Variants in HSD17B4 observed in about 807,000 individuals in gnomAD.
HSD17B4 encodes peroxisomal multifunctional enzyme type 2.
Under a neutral mutation model 101.0 loss-of-function variants are expected in HSD17B4, and 70 were observed. The ratio of observed to expected loss-of-function variants is 0.69; its 90% CI spans 0.57 to 0.85. The LOEUF (loss-of-function observed/expected upper bound fraction) is 0.85. HSD17B4 is among the 40% of genes least tolerant of loss of function. The pLI is 0.00. For synonymous variants in HSD17B4, 347 were observed against 297.1 expected (o/e 1.17, Z -1.73); for missense variants, 984 against 892.4 (o/e 1.10, Z -1.31).
intron 16 of HSD17B4, among the ~76,000 whole-genome samples, chr5:119,511,196 C>G (rs1412467062): frequency 7.2e-5 from 11 of 152,320 alleles, no homozygotes; most frequent in Non-Finnish European, 1.5e-4. Flanking sequence ...ACACAAAGTT[C>G]TGACCCTCTT....
At chr5:119,458,958 A>C (rs1754943405) in intron 2 of HSD17B4, among the ~76,000 whole-genome samples, 1 of 152,226 alleles carries the variant, frequency 6.6e-6, no homozygotes, top group Admixed American at 6.5e-5. Context: ...GGACTGACAA[A>C]AAGGAGCAAA....
chr5:119,456,430 C>A, intron 2 of HSD17B4, 62 bp downstream of exon 2: 2 of 975,854 alleles, frequency 2.0e-6, no homozygotes, highest in Non-Finnish European at 3.3e-6. Flanking sequence ...TCTTTACAAG[C>A]TATCTTTGTC....
At chr5:119,526,284 A>ATATACATATATG (rs1753590384) in intron 19 of HSD17B4, among the ~76,000 whole-genome samples, 1 of 148,252 alleles carries the variant, frequency 6.7e-6, no homozygotes, top group Non-Finnish European at 1.5e-5. Flanking sequence ...TGCATATATT[A>ATATACATATATG]TATATATATA....
rs1288272188 is a variant in HSD17B4 at position 119,541,929 on chromosome 5, G to A, written c.2146G>A (p.Ala716Thr). 2 of 1,612,836 alleles carry A rather than the reference G, an allele frequency of 1.2e-6. No individual in the cohort carries two copies. The highest frequency in any genetic ancestry group is 1.1e-5 in the South Asian group (1 of 91,038). The change falls in exon 24 of 24, where the codon GCC becomes ACC. Residue 716 changes from alanine to threonine, a missense_variant. Physicochemically the swap from Ala to Thr is moderately conservative, Grantham distance 58. Transcript: ENST00000510025. ...QKAFFSGRLK[A>T]RGNIMLSQKL... ...GGCATTCTTTAGTGGCAGGCTGAAG[G>A]CCAGAGGGAACATCATGCTGAGCCA... is the stretch of plus-strand genomic sequence containing the variant.
chr5:119,496,521 T>G (rs34894277), intron 11 of HSD17B4, 22 bp from the exon 12 acceptor site: 6 of 1,187,710 alleles, frequency 5.1e-6, no homozygotes, highest in Middle Eastern at 1.9e-4. Context: ...TTATTTTTTT[T>G]GTTTTTCATT....
intron 8 of HSD17B4, among the ~76,000 whole-genome samples, chr5:119,480,191 G>A (rs144485269): frequency 1.1e-4 from 16 of 151,888 alleles, no homozygotes; most frequent in African/African-American, 3.4e-4. Flanking sequence ...TGGATTGTTT[G>A]TTTTCTTGAA....
At chr5:119,530,415 A>G (rs956443521) in intron 21 of HSD17B4, among the ~76,000 whole-genome samples, 2 of 152,156 alleles carry the variant, frequency 1.3e-5, no homozygotes, top group African/African-American at 4.8e-5. Flanking sequence ...TAGCATGCTG[A>G]GACTTTTGAT....
intron 22 of HSD17B4, among the ~76,000 whole-genome samples, chr5:119,532,826 T>C (rs1754228898): frequency 6.6e-6 from 1 of 152,096 alleles, no homozygotes; most frequent in Non-Finnish European, 1.5e-5. Flanking sequence ...GGTACTCTTA[T>C]CTGAAACTCC....
rs1047354198 is a variant in HSD17B4, at chr5:119,522,156, A to G, written c.1504-3060A>G. Among the ~76,000 whole-genome samples the G allele has an allele frequency of 5.9e-5, 9 of 152,008 alleles. 1 individual carries two copies. The highest frequency in any genetic ancestry group is 3.9e-4 in the East Asian group (2 of 5,174). On this transcript the variant is annotated intron_variant, in intron 17 of 23. Transcript: ENST00000510025. ...TGTGTCCAAGTGTTCTCATTATTCA[A>G]TTCCCACGTATGAGTGAGAACATGT... is the stretch of plus-strand genomic sequence containing the variant.
intron 9 of HSD17B4, among the ~76,000 whole-genome samples, chr5:119,490,787 G>A (rs1369609145): frequency 6.6e-6 from 1 of 151,974 alleles, no homozygotes; most frequent in African/African-American, 2.4e-5. Context: ...AGGCTGGTCT[G>A]GAACTCCTGA....
intron 16 of HSD17B4, among the ~76,000 whole-genome samples, chr5:119,510,782 C>T (rs897422158): frequency 6.6e-6 from 1 of 152,192 alleles, no homozygotes; most frequent in African/African-American, 2.4e-5. Context: ...AGAAACTGTA[C>T]CCCAGGCGTT....
intron 2 of HSD17B4, among the ~76,000 whole-genome samples, chr5:119,473,009 C>A (rs1748139129): frequency 1.3e-5 from 2 of 152,006 alleles, no homozygotes; most frequent in African/African-American, 4.8e-5. Context: ...ACCCCATTTT[C>A]TTTATTCATT....
At chr5:119,452,841 A>G (rs1485630008) in intron 1 of HSD17B4, 4 of 1,535,644 alleles carry the variant, frequency 2.6e-6, no homozygotes, top group Non-Finnish European at 3.5e-6. Flanking sequence ...GCTTCTCCCC[A>G]GCACCCCGGT....
chr5:119,487,104 G>A lies in HSD17B4; in HGVS notation c.623-2088G>A, dbSNP rs150150069. Among the ~76,000 whole-genome samples the A allele has an allele frequency of 7.7e-4, 117 of 152,210 alleles. 2 individuals carry two copies. The East Asian group carries it at 7.7e-3, about 10-fold the overall frequency. On this transcript the variant is annotated intron_variant, in intron 8 of 23. Transcript: ENST00000510025. ...TCTTCCTTAAAAGTTGAAGTTCAGC[G>A]TAGAACAGTTTAGGTTTAGGACCCC...
At chr5:119,482,404 A>T (rs1749222053) in intron 8 of HSD17B4, among the ~76,000 whole-genome samples, 1 of 152,046 alleles carries the variant, frequency 6.6e-6, no homozygotes, top group Non-Finnish European at 1.5e-5. Context: ...AATCATAGTT[A>T]TTTTAAATTC....
At chr5:119,484,248 C>G (rs891162035) in intron 8 of HSD17B4, among the ~76,000 whole-genome samples, 12 of 152,154 alleles carry the variant, frequency 7.9e-5, no homozygotes, top group African/African-American at 2.9e-4. Context: ...GAATCTAATT[C>G]TTTTGTTCTA....
At chr5:119,467,739 G>C (rs1385536962) in intron 2 of HSD17B4, among the ~76,000 whole-genome samples, 2 of 152,194 alleles carry the variant, frequency 1.3e-5, no homozygotes, top group African/African-American at 4.8e-5. Flanking sequence ...CCTACTTTTT[G>C]TATACGTGGG....
At chr5:119,462,103 C>T (rs1358389071) in intron 2 of HSD17B4, among the ~76,000 whole-genome samples, 1 of 152,088 alleles carries the variant, frequency 6.6e-6, no homozygotes, top group Non-Finnish European at 1.5e-5. Context: ...AAATGTATCA[C>T]ACTTTGGAAC....
At chr5:119,489,783 G>C (rs1749932128) in intron 9 of HSD17B4, among the ~76,000 whole-genome samples, 1 of 151,916 alleles carries the variant, frequency 6.6e-6, no homozygotes. Flanking sequence ...TTGTGTGATA[G>C]GTCAATAAAT....
Sources: gnomAD v4.1 joint callset for allele counts (sites outside exome capture counted in the v4.1 genomes callset) on GRCh38, gnomAD v4.1.1 for gene constraint, MANE v1.5 for transcripts, NCBI Gene and HGNC (gene_info 2026-07-23, HGNC 2026-07-21) for gene names.